ATP2B1: variants seen among roughly 807,000 people sequenced by gnomAD.
The protein encoded by ATP2B1 is ATPase plasma membrane Ca2+ transporting 1.
ATP2B1 carries 14 observed loss-of-function variants against 124.2 expected under a neutral mutation model. That is an observed-to-expected ratio of 0.11 (90% confidence interval 0.07 to 0.18). The LOEUF is 0.18. ATP2B1 is among the 10% of genes least tolerant of loss of function. The pLI is 1.00. For missense variants in ATP2B1, 763 were observed against 1,466.1 expected, an observed-to-expected ratio of 0.52 and a Z score of 7.83; for synonymous variants, 449 against 492.4, an observed-to-expected ratio of 0.91 and a Z score of 1.17.
chr12:89,655,739 G>C lies in ATP2B1; in HGVS notation c.148C>G (p.Gln50Glu), dbSNP rs1885879672. The change falls in exon 2 of 21, where the codon CAG (glutamine) becomes GAG (glutamate). Residue 50 changes from glutamine (Q) to glutamate (E), a missense_variant. Physicochemically the swap from Gln to Glu is conservative, Grantham distance 29 (BLOSUM62 2). Coordinates refer to ENST00000428670, the MANE Select transcript of ATP2B1 (RefSeq NM_001366521.1). ...LRSTDALRKI[Q>E]ESYGDVYGIC... is the part of the protein sequence containing the mutation. ...CCATAGACATCTCCATAGCTTTCCT[G>C]TATTTTTCGTAATGCATCTGTGGAC... 9 of 1,614,140 alleles carry C rather than the reference G, an allele frequency of 5.6e-6. No homozygotes were observed. The highest frequency in any genetic ancestry group is 4.0e-5 in the African/African-American group (3 of 75,028).
chr12:89,602,959 C>T (rs1876165958), intron 18 of ATP2B1, 84 bp downstream of exon 18: 1 of 1,215,032 alleles, frequency 8.2e-7, no homozygotes, highest in Non-Finnish European at 1.2e-6. Flanking sequence ...ACATGTTCCA[C>T]ACAAGTGATT....
At chr12:89,646,573 G>A (rs1884479615) in intron 2 of ATP2B1, among the ~76,000 whole-genome samples, 1 of 152,198 alleles carries the variant, frequency 6.6e-6, no homozygotes, top group Non-Finnish European at 1.5e-5. Context: ...AGGTGATGTG[G>A]CTGACCATGA....
At chr12:89,655,639 CTT>C (rs1418336437) in intron 2 of ATP2B1, 38 bp downstream of exon 2, 2 of 1,573,476 alleles carry the variant, frequency 1.3e-6, no homozygotes, top group Admixed American at 3.4e-5. Flanking sequence ...ATATAGAACT[CTT>C]TGCACAAAGA....
intron 1 of ATP2B1, among the ~76,000 whole-genome samples, chr12:89,692,278 T>C (rs999875422): frequency 8.5e-5 from 13 of 152,196 alleles, no homozygotes; most frequent in South Asian, 2.1e-4. Context: ...TTTTTCTATA[T>C]TGAAGAAAGT....
At chr12:89,626,705 A>G in intron 7 of ATP2B1, 90 bp from the exon 8 acceptor site, 2 of 1,415,234 alleles carry the variant, frequency 1.4e-6, no homozygotes, top group South Asian at 1.5e-5. Flanking sequence ...TCAGTTTCTT[A>G]CAGAAACCAG....
rs1877779021 is a variant in ATP2B1, at chr12:89,610,406, GA to G, written c.2335+14del. The G allele has an allele frequency of 1.9e-6, 3 of 1,606,334 alleles. No individual in the cohort carries two copies. The highest frequency in any genetic ancestry group is 2.6e-6 in the Non-Finnish European group (3 of 1,174,630). On this transcript the variant is annotated intron_variant, in intron 14 of 20. Transcript: ENST00000428670. ...TGTATTAAGAAATTGTGAAATAACTGAAAAATCTACTTACCTTTAACCAGTG... is the reference window on the plus strand; with the variant it reads ...TGTATTAAGAAATTGTGAAATAACTGAAAATCTACTTACCTTTAACCAGTG...
chr12:89,633,297 T>G (rs1408684163), intron 5 of ATP2B1, among the ~76,000 whole-genome samples: 1 of 151,888 alleles, frequency 6.6e-6, no homozygotes, highest in Non-Finnish European at 1.5e-5. Context: ...TTTTTTCTTT[T>G]TTTTAAATTT....
At chr12:89,665,307 A>C (rs1444921947) in intron 1 of ATP2B1, among the ~76,000 whole-genome samples, 1 of 152,196 alleles carries the variant, frequency 6.6e-6, no homozygotes, top group African/African-American at 2.4e-5. Flanking sequence ...TTTTATTCAA[A>C]AAATGTGGAG....
At chr12:89,702,564 T>C (rs570231385) in intron 1 of ATP2B1, among the ~76,000 whole-genome samples, 1 of 152,308 alleles carries the variant, frequency 6.6e-6, no homozygotes, top group African/African-American at 2.4e-5. Context: ...TTAAAAAGCA[T>C]CTTTCAAGTT....
At chr12:89,667,486 C>A (rs1887453859) in intron 1 of ATP2B1, among the ~76,000 whole-genome samples, 1 of 152,214 alleles carries the variant, frequency 6.6e-6, no homozygotes, top group Admixed American at 6.5e-5. Flanking sequence ...AAGTGCCAGG[C>A]CATGTTCTGT....
rs557782456 is a variant in ATP2B1, at chr12:89,588,189, T to C, written c.*2795A>G. ...AATCAACACCATCACGGTATCTCAG[T>C]TGGCTTACACGTGTAAAAAGAAATT... is the stretch of plus-strand genomic sequence containing the variant. On this transcript the variant is annotated 3_prime_UTR_variant, in exon 21 of 21. Transcript: ENST00000428670. The C allele has an allele frequency of 8.5e-5, 13 of 152,758 alleles. No individual in the cohort carries two copies. Among genetic ancestry groups the C allele is most frequent in the African/African-American group, 2.6e-4 (11 of 41,582 alleles). The allele number at this position is 152,758 out of a possible 1,614,324, so 9.5% of individuals were successfully genotyped here. A position where few individuals can be genotyped will look rare whatever the true frequency, so the allele number is the denominator to read the frequency against.
At chr12:89,597,842 T>C (rs578245620) in intron 20 of ATP2B1, among the ~76,000 whole-genome samples, 1 of 152,078 alleles carries the variant, frequency 6.6e-6, no homozygotes, top group East Asian at 1.9e-4. Context: ...AATTACAACA[T>C]TTATTGGTTC....
At chr12:89,629,764 A>G (rs966390981) in intron 6 of ATP2B1, among the ~76,000 whole-genome samples, 2 of 152,336 alleles carry the variant, frequency 1.3e-5, no homozygotes, top group Admixed American at 6.5e-5. Context: ...AATGTTGTCA[A>G]CCTAAAGGGA....
intron 1 of ATP2B1, among the ~76,000 whole-genome samples, chr12:89,659,178 C>G (rs895735374): frequency 6.6e-5 from 10 of 152,092 alleles, no homozygotes; most frequent in African/African-American, 2.4e-4. Flanking sequence ...TCTTTGTTTT[C>G]TAATAGAATT....
intron 18 of ATP2B1, 40 bp from the exon 19 acceptor site, chr12:89,601,473 A>C (rs1432122609): frequency 1.5e-6 from 2 of 1,317,094 alleles, no homozygotes; most frequent in Non-Finnish European, 2.1e-6. Context: ...TAAATCTTAA[A>C]TTTTAAAATT....
At chr12:89,610,137 G>A in intron 14 of ATP2B1, 94 bp from the exon 15 acceptor site, 2 of 1,127,604 alleles carry the variant, frequency 1.8e-6, no homozygotes, top group Non-Finnish European at 2.5e-6. Context: ...TAGACTCAAG[G>A]TTAAAAATAA....
At position 89,642,279 on chromosome 12, in the gene ATP2B1, T is replaced by C; in HGVS notation, c.285A>G (p.Pro95=). ...CCCATACTAATTGAAGAAAGGTTTTTGGCTTTTTAGGAGGTATAAAATTCT... is the reference window on the plus strand; with the variant it reads ...CCCATACTAATTGAAGAAAGGTTTTCGGCTTTTTAGGAGGTATAAAATTCT... ...FGKNFIPPKK[P]KTFLQLVWEA... Residue 95 remains proline (P), a synonymous_variant, in exon 3 of 21, where the codon CCA becomes CCG. Transcript: ENST00000428670. 6.2e-7 allele frequency: 1 copy of C among 1,613,858 alleles called. No individual in the cohort carries two copies.
At chr12:89,641,779 C>T (rs1268700703) in intron 3 of ATP2B1, 1 of 161,756 alleles carries the variant, frequency 6.2e-6, no homozygotes, top group Non-Finnish European at 1.3e-5. Context: ...CAGAATTTTG[C>T]TTTCATAATG....
intron 1 of ATP2B1, among the ~76,000 whole-genome samples, chr12:89,702,214 T>C (rs1423719568): frequency 6.6e-6 from 1 of 152,180 alleles, no homozygotes; most frequent in East Asian, 1.9e-4. Context: ...GTTGTGCCTC[T>C]TTCCCCCAGG....
Sources: allele counts gnomAD v4.1 joint callset (sites outside exome capture counted in the v4.1 genomes callset), GRCh38; gene constraint gnomAD v4.1.1; transcripts MANE v1.5; gene names NCBI Gene and HGNC (gene_info 2026-07-23, HGNC 2026-07-21).